Variants in MRPL48 observed in about 807,000 individuals in gnomAD.
The protein encoded by MRPL48 is mitochondrial ribosomal protein L48.
Under a neutral mutation model 32.9 loss-of-function variants are expected in MRPL48, and 16 were observed. That is an observed-to-expected ratio of 0.49 (90% confidence interval 0.33 to 0.74). MRPL48 has a LOEUF of 0.74. Ranked by LOEUF, MRPL48 falls within the 30% of genes least tolerant of loss-of-function variation. The pLI, the probability that MRPL48 is intolerant of heterozygous loss-of-function variation, is 0.02. For missense variants in MRPL48, 206 were observed against 245.3 expected (o/e 0.84, Z 1.07); for synonymous variants, 94 against 89.2 (o/e 1.05, Z -0.31).
chr11:73,862,865 G>A (rs1318465654), intron 6 of MRPL48, among the ~76,000 whole-genome samples: 1 of 152,060 alleles, frequency 6.6e-6, no homozygotes, highest in East Asian at 1.9e-4. Context: ...GTTGCGGTGA[G>A]CTATGATTGT....
chr11:73,837,788 T>C (rs1178276539), intron 4 of MRPL48, among the ~76,000 whole-genome samples: 3 of 152,170 alleles, frequency 2.0e-5, no homozygotes, highest in African/African-American at 4.8e-5. Context: ...GGCCTTCATG[T>C]GCAGTCAGGT....
rs571519198 is a variant in MRPL48, at chr11:73,808,816, G to A, written c.112+466G>A. On this transcript the variant is annotated intron_variant, in intron 3 of 7. Transcript: ENST00000310614. The stretch of plus-strand genomic sequence containing the variant: ...CAGGCGCCTGTAATCCCAGCTACTC[G>A]GGAGGCCGAAGCAGGAGAATCGCTT... 4.6e-5 allele frequency among the ~76,000 whole-genome samples: 7 copies of A among 152,178 alleles called. No homozygotes were observed. In the South Asian group the frequency reaches 1.0e-3, roughly 23 times the overall value.
At chr11:73,859,810 A>G (rs573350245) in intron 5 of MRPL48, 97 bp from the exon 6 acceptor site, 24 of 973,480 alleles carry the variant, frequency 2.5e-5, no homozygotes, top group African/African-American at 2.4e-4. Flanking sequence ...TCCGGGAACT[A>G]TTGCATGCCA....
At chr11:73,861,895 C>T (rs983695311) in intron 6 of MRPL48, among the ~76,000 whole-genome samples, 1 of 152,190 alleles carries the variant, frequency 6.6e-6, no homozygotes, top group Non-Finnish European at 1.5e-5. Flanking sequence ...CCCCTGCCTG[C>T]CCTTTTACCA....
intron 3 of MRPL48, among the ~76,000 whole-genome samples, chr11:73,824,630 T>C (rs1947850350): frequency 6.6e-6 from 1 of 152,078 alleles, no homozygotes; most frequent in Non-Finnish European, 1.5e-5. Context: ...GCTCTTCCTC[T>C]TTGCTGGCTA....
At chr11:73,817,757 G>T in intron 3 of MRPL48, 1 of 336,880 alleles carries the variant, frequency 3.0e-6, no homozygotes, top group South Asian at 2.5e-5. Context: ...ACACAGTTTT[G>T]TTGGTATTTT....
At chr11:73,790,438 G>A (rs1310260913) in intron 1 of MRPL48, among the ~76,000 whole-genome samples, 3 of 131,202 alleles carry the variant, frequency 2.3e-5, no homozygotes, top group Non-Finnish European at 4.7e-5. Flanking sequence ...AGGCTGGAGT[G>A]CAGTGGCCCG....
chr11:73,820,739 A>AATAT (rs71065040), intron 3 of MRPL48, among the ~76,000 whole-genome samples: 24,244 of 151,128 alleles, frequency 0.16, 2,351 homozygotes, highest in African/African-American at 0.27. Context: ...TTGAGTGGAT[A>AATAT]ATATATATAT....
intron 3 of MRPL48, among the ~76,000 whole-genome samples, chr11:73,816,263 A>T (rs1947669562): frequency 6.7e-6 from 1 of 148,922 alleles, no homozygotes; most frequent in Non-Finnish European, 1.5e-5. Flanking sequence ...GGGTTTCACC[A>T]TGTTAGCCAG....
chr11:73,862,530 C>T (rs947715313), intron 6 of MRPL48, among the ~76,000 whole-genome samples: 2 of 151,990 alleles, frequency 1.3e-5, no homozygotes, highest in East Asian at 1.9e-4. Flanking sequence ...ACCTGGGAGG[C>T]GGAGGTTGCA....
At chr11:73,796,714 C>A (rs916220355) in intron 1 of MRPL48, among the ~76,000 whole-genome samples, 1 of 152,216 alleles carries the variant, frequency 6.6e-6, no homozygotes, top group African/African-American at 2.4e-5. Flanking sequence ...CTTTTCCAGG[C>A]CTGCCCATGG....
At chr11:73,794,747 CT>C (rs1356375156) in intron 1 of MRPL48, among the ~76,000 whole-genome samples, 203 of 134,852 alleles carry the variant, frequency 1.5e-3, no homozygotes, top group Admixed American at 1.8e-3. Flanking sequence ...TACTTCTTTT[CT>C]TTTTTTTTTT....
At chr11:73,788,472 CTTTTTT>C (rs11352308) in intron 1 of MRPL48, among the ~76,000 whole-genome samples, 42 of 109,596 alleles carry the variant, frequency 3.8e-4, no homozygotes, top group Admixed American at 1.3e-3. Context: ...TCTTTTCTTT[CTTTTTT>C]TTTTTTTTTT....
intron 5 of MRPL48, among the ~76,000 whole-genome samples, chr11:73,846,829 G>A (rs138873506): frequency 2.6e-5 from 4 of 151,804 alleles, no homozygotes; most frequent in Non-Finnish European, 4.4e-5. Flanking sequence ...CTCCCAAATA[G>A]CTGGGACTAC....
intron 3 of MRPL48, among the ~76,000 whole-genome samples, chr11:73,823,463 G>A (rs1947819730): frequency 6.6e-6 from 1 of 152,028 alleles, no homozygotes; most frequent in Non-Finnish European, 1.5e-5. Flanking sequence ...AGAAGAAACA[G>A]TAGCTCAAAA....
chr11:73,840,522 C>T (rs530467357), intron 4 of MRPL48, among the ~76,000 whole-genome samples: 3 of 152,046 alleles, frequency 2.0e-5, no homozygotes, highest in African/African-American at 4.8e-5. Flanking sequence ...TTTTTATAGA[C>T]GGAGTCTCGC....
At chr11:73,862,466 G>A (rs934129997) in intron 6 of MRPL48, among the ~76,000 whole-genome samples, 1 of 152,076 alleles carries the variant, frequency 6.6e-6, no homozygotes, top group African/African-American at 2.4e-5. Context: ...AGGCATGGTG[G>A]CAGGCACCTG....
At chr11:73,840,109 A>AAC (rs1415582965) in intron 4 of MRPL48, among the ~76,000 whole-genome samples, 1 of 152,024 alleles carries the variant, frequency 6.6e-6, no homozygotes, top group African/African-American at 2.4e-5. Flanking sequence ...AAAAAAAAAA[A>AAC]AAAACTCAGT....
intron 6 of MRPL48, among the ~76,000 whole-genome samples, chr11:73,862,795 C>T (rs1250376244): frequency 6.6e-6 from 1 of 151,972 alleles, no homozygotes; most frequent in East Asian, 1.9e-4. Flanking sequence ...TGGCACGTGC[C>T]TGTAGTCCCA....
Sources: gnomAD v4.1 joint callset for allele counts (sites outside exome capture counted in the v4.1 genomes callset) on GRCh38, gnomAD v4.1.1 for gene constraint, MANE v1.5 for transcripts, NCBI Gene and HGNC (gene_info 2026-07-23, HGNC 2026-07-21) for gene names.